GPC1: variants seen among roughly 807,000 people sequenced by gnomAD.
GPC1 encodes glypican 1.
In GPC1, 26 loss-of-function variants were observed where a neutral mutation model predicts 51.5. The ratio of observed to expected loss-of-function variants is 0.50; its 90% CI spans 0.37 to 0.70. GPC1 has a LOEUF of 0.70. Ranked by LOEUF, GPC1 falls within the 30% of genes least tolerant of loss-of-function variation. GPC1 has a pLI of 0.00. For synonymous variants in GPC1, 380 were observed against 348.3 expected (o/e 1.09, Z -1.01); for missense variants, 775 against 800.5 (o/e 0.97, Z 0.38).
chr2:240,440,091 C>T (rs980877126), intron 1 of GPC1, among the ~76,000 whole-genome samples: 1 of 152,206 alleles, frequency 6.6e-6, no homozygotes, highest in Non-Finnish European at 1.5e-5. Context: ...TGAAGGTGGC[C>T]AGGAGGGAGA....
At chr2:240,458,610 A>C in intron 1 of GPC1, 2 of 177,166 alleles carry the variant, frequency 1.1e-5, no homozygotes, top group Non-Finnish European at 2.4e-5. Context: ...TGGTGTGGGA[A>C]GAGAGGGGGA....
intron 1 of GPC1, among the ~76,000 whole-genome samples, chr2:240,457,706 CCCGCCCT>C (rs774196585): frequency 3.3e-5 from 5 of 152,286 alleles, no homozygotes; most frequent in Non-Finnish European, 7.4e-5. Flanking sequence ...CCGGGCTGAC[CCCGCCCT>C]CGGTCCCGGT....
chr2:240,449,557 A>G (rs1245711509), intron 1 of GPC1: 3 of 241,776 alleles, frequency 1.2e-5, no homozygotes, highest in Admixed American at 5.1e-5. Context: ...AATATGCATA[A>G]CAAAATTTGC....
Position 240,435,992 on chromosome 2 carries a change from C to T in GPC1, c.74C>T (p.Pro25Leu), listed in dbSNP as rs775810683. ...AALVACARGD[P>L]ASKSRSCGEV... is the part of the protein sequence containing the mutation. Reference sequence around the variant, plus strand: ...CTGGTCGCCTGCGCCCGCGGGGACCCGGCCAGCAAGAGCCGGAGCTGCGGC... The same window carrying T: ...CTGGTCGCCTGCGCCCGCGGGGACCTGGCCAGCAAGAGCCGGAGCTGCGGC... Residue 25 changes from proline to leucine, a missense_variant, in exon 1 of 9, where the codon CCG becomes CTG. Coordinates refer to ENST00000264039, the MANE Select transcript of GPC1 (RefSeq NM_002081.3). 4 of 1,379,080 alleles carry T rather than the reference C, an allele frequency of 2.9e-6. No individual in the cohort carries two copies. Among genetic ancestry groups the T allele is most frequent in the South Asian group, 3.4e-5 (2 of 58,782 alleles). The allele number at this position is 1,379,080 out of a possible 1,614,324, so 85.4% of individuals were successfully genotyped here.
chr2:240,463,422 G>C lies in GPC1; in HGVS notation c.793G>C (p.Ala265Pro). The C allele has an allele frequency of 6.2e-7, 1 of 1,612,544 alleles. No individual in the cohort carries two copies. The highest frequency in any genetic ancestry group is 2.2e-5 in the East Asian group (1 of 44,860). The change falls in exon 4 of 9, where the codon GCC becomes CCC. Residue 265 changes from alanine (A) to proline (P), a missense_variant. Coordinates refer to ENST00000264039, the MANE Select transcript of GPC1 (RefSeq NM_002081.3). ...YCAHCLGVPG[A>P]RPCPDYCRNV... is the part of the protein sequence containing the mutation. ...TGCTCACTGCCTGGGAGTCCCCGGCGCCAGGCCCTGCCCTGACTATTGCCG... is the reference window on the plus strand; with the variant it reads ...TGCTCACTGCCTGGGAGTCCCCGGCCCCAGGCCCTGCCCTGACTATTGCCG...
At chr2:240,457,907 A>AC in intron 1 of GPC1, 1 of 361,106 alleles carries the variant, frequency 2.8e-6, no homozygotes, top group African/African-American at 2.1e-5. Context: ...CCTGCTGACA[A>AC]CGCCCCCCCT....
At chr2:240,446,579 T>C (rs890502542) in intron 1 of GPC1, among the ~76,000 whole-genome samples, 2 of 152,218 alleles carry the variant, frequency 1.3e-5, no homozygotes, top group African/African-American at 2.4e-5. Flanking sequence ...ACTCCCTGGC[T>C]GGGGACTGGC....
intron 2 of GPC1, among the ~76,000 whole-genome samples, chr2:240,460,085 A>G (rs963212575): frequency 1.3e-5 from 2 of 151,944 alleles, no homozygotes; most frequent in East Asian, 1.9e-4. Context: ...GCTCCTGGAC[A>G]CCTGCTGTGG....
Position 240,465,984 on chromosome 2 carries a change from G to A in GPC1, c.1445-74G>A, listed in dbSNP as rs1449580030. On this transcript the variant is annotated intron_variant, in intron 8 of 8. Coordinates refer to ENST00000264039, the MANE Select transcript of GPC1 (RefSeq NM_002081.3). ...AAAGGATGTTGGGGTCACCTGGCAC[G>A]GGCCCTTACAGGGTGGTGCTGCACT... The A allele has an allele frequency of 1.2e-5, 9 of 751,654 alleles. No individual in the cohort carries two copies. The Admixed American group carries it at 1.8e-4, about 15-fold the overall frequency. The allele number at this position is 751,654 out of a possible 1,614,324, so 46.6% of individuals were successfully genotyped here.
At chr2:240,451,332 C>T (rs2074098283) in intron 1 of GPC1, 1 of 456,082 alleles carries the variant, frequency 2.2e-6, no homozygotes, top group Admixed American at 2.4e-5. Flanking sequence ...AGCGTGCCCC[C>T]TGTGGGTGTA....
At chr2:240,458,166 A>G (rs1018192259) in intron 1 of GPC1, 2 of 447,806 alleles carry the variant, frequency 4.5e-6, no homozygotes, top group Admixed American at 2.4e-5. Flanking sequence ...GGCAGCCTTC[A>G]TCACAGTGCG....
At chr2:240,458,784 TC>T (rs948523145) in intron 1 of GPC1, 1 of 501,308 alleles carries the variant, frequency 2.0e-6, no homozygotes, top group African/African-American at 2.0e-5. Context: ...CCAAGGGGCC[TC>T]CTGCCCTGTA....
At chr2:240,455,856 G>A (rs989098277) in intron 1 of GPC1, 5 of 284,870 alleles carry the variant, frequency 1.8e-5, no homozygotes, top group African/African-American at 7.1e-5. Context: ...CCGGAGCTCC[G>A]CAGAAGGAAG....
chr2:240,460,498 C>T (rs2074207192), intron 2 of GPC1, among the ~76,000 whole-genome samples: 1 of 152,204 alleles, frequency 6.6e-6, no homozygotes, highest in Non-Finnish European at 1.5e-5. Flanking sequence ...CCCTTCCCCT[C>T]TCCTGCTAAT....
chr2:240,464,196 C>A (rs913858594), intron 4 of GPC1: 3 of 252,902 alleles, frequency 1.2e-5, no homozygotes, highest in Non-Finnish European at 2.4e-5. Context: ...CACACATGAA[C>A]TAAGGTGTAC....
intron 1 of GPC1, among the ~76,000 whole-genome samples, chr2:240,445,483 C>T (rs1014128217): frequency 6.6e-6 from 1 of 152,122 alleles, no homozygotes; most frequent in African/African-American, 2.4e-5. Context: ...AAGCTATAGG[C>T]AGAACCACGC....
chr2:240,455,249 A>G (rs1559199005), intron 1 of GPC1, among the ~76,000 whole-genome samples: 1 of 152,180 alleles, frequency 6.6e-6, no homozygotes, highest in East Asian at 1.9e-4. Context: ...TTCCCCCCCA[A>G]AAAAATCCTC....
intron 1 of GPC1, among the ~76,000 whole-genome samples, chr2:240,446,440 G>A (rs1170524139): frequency 3.9e-5 from 6 of 152,268 alleles, no homozygotes; most frequent in African/African-American, 1.4e-4. Flanking sequence ...TGGCCACCAT[G>A]AGTGTGTAGC....
chr2:240,439,847 C>T (rs2074006828), intron 1 of GPC1, among the ~76,000 whole-genome samples: 1 of 152,218 alleles, frequency 6.6e-6, no homozygotes, highest in African/African-American at 2.4e-5. Context: ...CTGCTCTTCC[C>T]TCCATGAGAG....
Sources: allele counts gnomAD v4.1 joint callset (sites outside exome capture counted in the v4.1 genomes callset), GRCh38; gene constraint gnomAD v4.1.1; transcripts MANE v1.5; gene names NCBI Gene and HGNC (gene_info 2026-07-23, HGNC 2026-07-21).